ALDH7A1: variants seen among roughly 807,000 people sequenced by gnomAD.
ALDH7A1 encodes the protein alpha-aminoadipic semialdehyde dehydrogenase.
Under a neutral mutation model 79.9 loss-of-function variants are expected in ALDH7A1, and 63 were observed. The ratio of observed to expected loss-of-function variants is 0.79; its 90% CI spans 0.64 to 0.97. ALDH7A1 has a LOEUF of 0.97. Ranked by LOEUF, ALDH7A1 falls within the 50% of genes least tolerant of loss-of-function variation. ALDH7A1 has a pLI of 0.00. For synonymous variants in ALDH7A1, 240 were observed against 231.2 expected, an observed-to-expected ratio of 1.04 and a Z score of -0.34; for missense variants, 627 against 665.2, an observed-to-expected ratio of 0.94 and a Z score of 0.63.
At chr5:126,571,856 CA>C (rs1336808645) in intron 7 of ALDH7A1, among the ~76,000 whole-genome samples, 2 of 152,098 alleles carry the variant, frequency 1.3e-5, no homozygotes, top group Admixed American at 6.6e-5. Context: ...GCCACAGACA[CA>C]AAAGAAGGAG....
chr5:126,571,142 A>G (rs1438610590), intron 7 of ALDH7A1: 1 of 288,152 alleles, frequency 3.5e-6, no homozygotes, highest in African/African-American at 2.5e-5. Context: ...TCAAAAAACT[A>G]TTAGCAGATT....
intron 13 of ALDH7A1, 63 bp downstream of exon 13, chr5:126,554,224 G>T (rs1750099086): frequency 2.8e-6 from 4 of 1,428,318 alleles, no homozygotes; most frequent in Non-Finnish European, 3.0e-6. Flanking sequence ...CCAGAGCCCT[G>T]CTTGTGTCTC....
rs745960534 is a variant in ALDH7A1 at position 126,568,392 on chromosome 5, G to A, written c.774-36C>T. 1.9e-6 allele frequency: 3 copies of A among 1,559,034 alleles called. No individual in the cohort carries two copies. The South Asian group carries it at 3.3e-5, about 17-fold the overall frequency. ...ACAGACACGGTCGGCCACCCAAGCA[G>A]AGAAACCCAGCAATTACAACATCTA... On this transcript the variant is annotated intron_variant, in intron 8 of 17. Transcript: ENST00000409134.
In ALDH7A1 at chr5:126,545,572, G is replaced by C. The variant is rs554341684; in HGVS notation, c.1566-553C>G. Among the ~76,000 whole-genome samples, 69 of 144,786 alleles carry C rather than the reference G, an allele frequency of 4.8e-4. 1 individual carries two copies. The highest frequency in any genetic ancestry group is 1.7e-3 in the African/African-American group (69 of 39,442). The allele number at this position is 144,786 out of a possible 152,430, so 95.0% of individuals were successfully genotyped here. ...GCCACTGCAGGCGTGGATCACCTGAGGTCAGGAGTTCAAGACCAGCCTGGC... is the reference window on the plus strand; with the variant it reads ...GCCACTGCAGGCGTGGATCACCTGACGTCAGGAGTTCAAGACCAGCCTGGC... On this transcript the variant is annotated intron_variant, in intron 17 of 17. Coordinates refer to ENST00000409134, the MANE Select transcript of ALDH7A1 (RefSeq NM_001182.5).
chr5:126,574,063 TG>T (rs1357403841), intron 7 of ALDH7A1, among the ~76,000 whole-genome samples: 1 of 149,086 alleles, frequency 6.7e-6, no homozygotes, highest in Non-Finnish European at 1.5e-5. Flanking sequence ...ATATTACCCT[TG>T]CTCTTTTCCA....
intron 3 of ALDH7A1, among the ~76,000 whole-genome samples, chr5:126,585,349 T>C (rs1751325329): frequency 1.3e-5 from 2 of 151,948 alleles, no homozygotes; most frequent in Admixed American, 6.6e-5. Flanking sequence ...CCATGAAACC[T>C]TCCCCCAGGC....
intron 3 of ALDH7A1, among the ~76,000 whole-genome samples, chr5:126,590,329 T>G (rs1751512502): frequency 2.0e-5 from 3 of 152,274 alleles, no homozygotes; most frequent in South Asian, 4.1e-4. Flanking sequence ...CTTTTCTGTC[T>G]TCTCCAAGTT....
At chr5:126,590,012 A>G (rs1437135550) in intron 3 of ALDH7A1, among the ~76,000 whole-genome samples, 1 of 133,598 alleles carries the variant, frequency 7.5e-6, no homozygotes, top group East Asian at 2.0e-4. Flanking sequence ...ACTGTCTGGG[A>G]AGTGAGGAGT....
intron 5 of ALDH7A1, among the ~76,000 whole-genome samples, chr5:126,580,389 G>A (rs535884579): frequency 1.7e-4 from 26 of 152,020 alleles, no homozygotes; most frequent in Non-Finnish European, 3.4e-4. Context: ...GAGCCACCAC[G>A]GTGGGCCTAT....
At chr5:126,572,906 C>T (rs1169164050) in intron 7 of ALDH7A1, among the ~76,000 whole-genome samples, 1 of 152,126 alleles carries the variant, frequency 6.6e-6, no homozygotes, top group African/African-American at 2.4e-5. Flanking sequence ...CCATATGTGG[C>T]CTGGGGTCAT....
rs1723306557 is a variant in ALDH7A1, at chr5:126,567,116, C to T, written c.871+1143G>A. ...AGTGTTTTTACCTTTCTCAGCATTCCACAAGTTACTTTCTCCTTCCTTTGT... is the reference window on the plus strand; with the variant it reads ...AGTGTTTTTACCTTTCTCAGCATTCTACAAGTTACTTTCTCCTTCCTTTGT... On this transcript the variant is annotated intron_variant, in intron 9 of 17. Coordinates refer to ENST00000409134, the MANE Select transcript of ALDH7A1 (RefSeq NM_001182.5). Among the ~76,000 whole-genome samples, 7 of 152,284 alleles carry T rather than the reference C, an allele frequency of 4.6e-5. No homozygotes were observed. The South Asian group carries it at 1.5e-3, about 32-fold the overall frequency.
intron 2 of ALDH7A1, among the ~76,000 whole-genome samples, chr5:126,592,939 G>A (rs1751600065): frequency 6.6e-6 from 1 of 152,128 alleles, no homozygotes; most frequent in Non-Finnish European, 1.5e-5. Flanking sequence ...TTAAAACCTT[G>A]CTTTTCAAAG....
chr5:126,592,540 G>T (rs1039715744), intron 3 of ALDH7A1, 124 bp downstream of exon 3: 2 of 943,086 alleles, frequency 2.1e-6, no homozygotes, highest in Non-Finnish European at 1.7e-6. Flanking sequence ...CAGTATCACA[G>T]CCCCCAAGGA....
intron 9 of ALDH7A1, among the ~76,000 whole-genome samples, chr5:126,567,027 C>T (rs1269844597): frequency 3.3e-5 from 5 of 152,180 alleles, no homozygotes; most frequent in Non-Finnish European, 5.9e-5. Flanking sequence ...TAAATATTTG[C>T]CCTGGCATGC....
At position 126,544,788 on chromosome 5, in the gene ALDH7A1, T is replaced by C. The variant is rs1749729803; in HGVS notation, c.*177A>G. 3.3e-6 allele frequency: 2 copies of C among 611,514 alleles called. No homozygotes were observed. The highest frequency in any genetic ancestry group is 5.8e-6 in the Non-Finnish European group (2 of 345,844). 37.9% of individuals were successfully genotyped at this position (611,514 alleles called of 1,614,324 possible). ...TATGGCTATGTTGTAACAATTTTAT[T>C]TTGATTTTTAAAAAAGGAATCTCTT... On this transcript the variant is annotated 3_prime_UTR_variant, in exon 18 of 18. Coordinates refer to ENST00000409134, the MANE Select transcript of ALDH7A1 (RefSeq NM_001182.5).
intron 16 of ALDH7A1, among the ~76,000 whole-genome samples, chr5:126,549,324 G>A (rs1301641026): frequency 1.3e-5 from 2 of 151,928 alleles, no homozygotes; most frequent in African/African-American, 4.8e-5. Flanking sequence ...AAGTATTAAT[G>A]CATGTTTGTT....
At chr5:126,573,900 C>T (rs1387815212) in intron 7 of ALDH7A1, among the ~76,000 whole-genome samples, 1 of 150,428 alleles carries the variant, frequency 6.6e-6, no homozygotes, top group African/African-American at 2.5e-5. Context: ...CGTGGTGGCC[C>T]ACACCTATAA....
intron 17 of ALDH7A1, among the ~76,000 whole-genome samples, 200 bp from the exon 18 acceptor site, chr5:126,545,219 A>T (rs1179482069): frequency 1.3e-5 from 2 of 152,120 alleles, no homozygotes; most frequent in Admixed American, 6.5e-5. Context: ...CAGAAACATA[A>T]AAATCTGGAA....
chr5:126,593,222 G>T, intron 2 of ALDH7A1, 129 bp downstream of exon 2: 2 of 1,427,182 alleles, frequency 1.4e-6, no homozygotes, highest in Non-Finnish European at 1.9e-6. Flanking sequence ...CTCTTCATTT[G>T]TGATTTTATA....
Sources: gnomAD v4.1 joint callset for allele counts (sites outside exome capture counted in the v4.1 genomes callset) on GRCh38, gnomAD v4.1.1 for gene constraint, MANE v1.5 for transcripts, NCBI Gene and HGNC (gene_info 2026-07-23, HGNC 2026-07-21) for gene names.